The following DDX43 variants were observed in gnomAD, a reference collection of about 807,000 sequenced individuals.
DDX43 encodes the protein probable ATP-dependent RNA helicase DDX43.
Under a neutral mutation model 84.9 loss-of-function variants are expected in DDX43, and 50 were observed. The observed-to-expected ratio is 0.59, with a 90% confidence interval of 0.47 to 0.75. The LOEUF is 0.75. DDX43 is among the 30% of genes least tolerant of loss of function. The probability of loss-of-function intolerance (pLI) is 0.00; values close to 1 mark genes in which losing one functional copy is unlikely to be tolerated. For synonymous variants in DDX43, 291 were observed against 266.3 expected, an observed-to-expected ratio of 1.09 and a Z score of -0.90; for missense variants, 689 against 798.6, an observed-to-expected ratio of 0.86 and a Z score of 1.65.
Position 73,408,087 on chromosome 6 carries a change from A to T in DDX43, c.1165A>T (p.Asn389Tyr), listed in dbSNP as rs1391586492. 1 of 1,613,914 alleles carries T rather than the reference A, an allele frequency of 6.2e-7. No homozygotes were observed. The highest frequency in any genetic ancestry group is 1.7e-5 in the Admixed American group (1 of 59,964). The change falls in exon 9 of 17, where the codon AAT (asparagine) becomes TAT (tyrosine). Residue 389 changes from asparagine (N) to tyrosine (Y), a missense_variant. Transcript: ENST00000370336. ...LQMSNFVNLK[N>Y]ITYLVLDEAD... Reference sequence around the variant, plus strand: ...AATGAGTAACTTCGTCAATCTGAAGAATATAACCTACTTGGTAATCATGGA... The same window carrying T: ...AATGAGTAACTTCGTCAATCTGAAGTATATAACCTACTTGGTAATCATGGA...
chr6:73,396,061 C>G (rs542970130), intron 1 of DDX43, among the ~76,000 whole-genome samples: 7 of 151,636 alleles, frequency 4.6e-5, no homozygotes, highest in African/African-American at 1.7e-4. Flanking sequence ...CTCCCGGGCT[C>G]AAGCGATTCT....
chr6:73,417,102 G>A (rs914904425), intron 16 of DDX43, 85 bp from the exon 17 acceptor site: 2 of 152,230 alleles, frequency 1.3e-5, no homozygotes, highest in African/African-American at 4.8e-5. Flanking sequence ...AATGGTTATG[G>A]TAAATTTGGG....
intron 12 of DDX43, 40 bp from the exon 13 acceptor site, chr6:73,413,930 A>G: frequency 2.6e-6 from 4 of 1,544,620 alleles, no homozygotes; most frequent in Non-Finnish European, 3.6e-6. Context: ...GTGGCATTAG[A>G]ATAAGCACCT....
intron 11 of DDX43, among the ~76,000 whole-genome samples, chr6:73,412,728 C>CGTGT (rs35713525): frequency 1.5e-4 from 18 of 118,952 alleles, no homozygotes; most frequent in Admixed American, 9.2e-4. Flanking sequence ...TGATATATAG[C>CGTGT]GTGTGTGTGT....
intron 6 of DDX43, 59 bp downstream of exon 6, chr6:73,405,894 C>T (rs1004015939): frequency 3.6e-5 from 54 of 1,508,424 alleles, no homozygotes; most frequent in Non-Finnish European, 4.8e-5. Flanking sequence ...CCAGTGATAT[C>T]TGATTGTTAG....
chr6:73,416,115 T>A lies in DDX43; in HGVS notation c.1836T>A (p.Ser612Arg). Residue 612 changes from serine (S) to arginine (R), a missense_variant and splice_region_variant, in exon 16 of 17, where the codon AGT (serine) becomes AGA (arginine). Ser to Arg is a moderately radical substitution (Grantham distance 110). Around this residue, in one of 2 missense-constraint regions of DDX43, gnomAD observed 552 missense variants for 692.7 expected, o/e 0.80. Transcript: ENST00000370336. ...AACAACACGTTGAATAATTTCAGAG[T>A]ATTCCAGAGGAGCTTGTATCAATGG... ...LINILERANQ[S>R]IPEELVSMAE... 1 of 1,459,114 alleles carries A rather than the reference T, an allele frequency of 6.9e-7. No individual in the cohort carries two copies. The highest frequency in any genetic ancestry group is 9.6e-7 in the Non-Finnish European group (1 of 1,039,214). The allele number at this position is 1,459,114 out of a possible 1,614,324, so 90.4% of individuals were successfully genotyped here. A position where few individuals can be genotyped will look rare whatever the true frequency, so the allele number is the denominator to read the frequency against.
At chr6:73,404,846 T>A in intron 5 of DDX43, 75 bp downstream of exon 5, 1 of 1,129,768 alleles carries the variant, frequency 8.9e-7, no homozygotes, top group Non-Finnish European at 1.3e-6. Flanking sequence ...CGGGCAAATG[T>A]GAAATGATAT....
intron 10 of DDX43, among the ~76,000 whole-genome samples, chr6:73,410,535 A>T (rs984330005): frequency 5.9e-5 from 9 of 152,164 alleles, no homozygotes; most frequent in Admixed American, 3.9e-4. Flanking sequence ...ATTATTTTAT[A>T]TATAGTTGAG....
At chr6:73,402,147 A>G (rs569140822) in intron 4 of DDX43, among the ~76,000 whole-genome samples, 157 bp downstream of exon 4, 2 of 152,320 alleles carry the variant, frequency 1.3e-5, no homozygotes, top group Non-Finnish European at 2.9e-5. Flanking sequence ...GATAGTTTCT[A>G]TGTTATCAGC....
intron 10 of DDX43, among the ~76,000 whole-genome samples, chr6:73,411,673 T>G (rs1309293331): frequency 2.6e-5 from 4 of 151,844 alleles, no homozygotes; most frequent in Non-Finnish European, 4.4e-5. Flanking sequence ...TGTACAGGTA[T>G]CCTTTGGTTC....
intron 4 of DDX43, among the ~76,000 whole-genome samples, chr6:73,403,835 T>A (rs995763940): frequency 2.0e-5 from 3 of 148,996 alleles, no homozygotes; most frequent in African/African-American, 5.0e-5. Context: ...TTTTTTTTTT[T>A]AAATGGAGTT....
intron 11 of DDX43, chr6:73,413,456 C>A: frequency 2.3e-6 from 1 of 425,908 alleles, no homozygotes; most frequent in Non-Finnish European, 4.2e-6. Flanking sequence ...GGAATGGTAC[C>A]AATAGTATTT....
At chr6:73,400,209 C>T (rs1769538304) in intron 2 of DDX43, 25 bp from the exon 3 acceptor site, 2 of 1,551,096 alleles carry the variant, frequency 1.3e-6, no homozygotes, top group Non-Finnish European at 1.7e-6. Context: ...TTTTAAGTCT[C>T]ACCTCTTTTT....
Position 73,406,480 on chromosome 6 carries a change from C to A in DDX43, c.924C>A (p.Pro308=). 6.3e-7 allele frequency: 1 copy of A among 1,592,908 alleles called. No homozygotes were observed. The highest frequency in any genetic ancestry group is 8.6e-7 in the Non-Finnish European group (1 of 1,161,630). The change falls in exon 7 of 17, where the codon CCC becomes CCA. Residue 308 remains proline (P), a splice_region_variant and synonymous_variant. Transcript: ENST00000370336. Reference sequence around the variant, plus strand: ...GATTTATTCATCTGGTCCTTCAACCCAGGTAAGAATTCCTATGGCTGGTTT... The same window carrying A: ...GATTTATTCATCTGGTCCTTCAACCAAGGTAAGAATTCCTATGGCTGGTTT... ...MPGFIHLVLQ[P]SLKGQRNRPG...
chr6:73,415,615 C>G, intron 15 of DDX43, 31 bp downstream of exon 15: 1 of 1,476,708 alleles, frequency 6.8e-7, no homozygotes, highest in Non-Finnish European at 9.4e-7. Context: ...AGAAATCTAC[C>G]TGTTATCAGT....
In DDX43 at chr6:73,407,617, TA is replaced by T. The variant is rs1769709054; in HGVS notation, c.1037+4del. 1 of 1,588,470 alleles carries T rather than the reference TA, an allele frequency of 6.3e-7. No homozygotes were observed. The highest frequency in any genetic ancestry group is 1.3e-5 in the African/African-American group (1 of 74,104). ...ATATTCATATAAAGGGCTTCGGAGG[TA>T]AGTAATTTTTTTTCCCATTCCTTCA... is the stretch of plus-strand genomic sequence containing the variant. On this transcript the variant is annotated splice_donor_region_variant and intron_variant, in intron 8 of 16. Transcript: ENST00000370336.
At chr6:73,407,846 G>A (rs1362069046) in intron 8 of DDX43, 114 bp from the exon 9 acceptor site, 3 of 1,027,834 alleles carry the variant, frequency 2.9e-6, no homozygotes, top group Non-Finnish European at 4.3e-6. Context: ...CTCAGAAAGG[G>A]GCAGATACCC....
At chr6:73,404,557 T>C (rs1769637256) in intron 4 of DDX43, 133 bp from the exon 5 acceptor site, 3 of 725,162 alleles carry the variant, frequency 4.1e-6, no homozygotes, top group Admixed American at 4.9e-5. Context: ...GCAAGCCTCG[T>C]TGGCAAAGTG....
intron 16 of DDX43, 42 bp downstream of exon 16, chr6:73,416,293 C>T: frequency 1.3e-6 from 1 of 773,456 alleles, no homozygotes; most frequent in Non-Finnish European, 2.2e-6. Flanking sequence ...TGCCTGCTTA[C>T]TTAAACTAGG....
Sources: allele counts gnomAD v4.1 joint callset (sites outside exome capture counted in the v4.1 genomes callset), GRCh38; gene constraint gnomAD v4.1.1; regional missense constraint gnomAD v4.1.1; transcripts MANE v1.5; gene names NCBI Gene and HGNC (gene_info 2026-07-23, HGNC 2026-07-21).